ABCA1: variants seen among roughly 807,000 people sequenced by gnomAD.
ABCA1 encodes phospholipid-transporting ATPase ABCA1.
A neutral mutation model predicts 262.5 loss-of-function variants in ABCA1; 133 were observed. The ratio of observed to expected loss-of-function variants is 0.51; its 90% CI spans 0.44 to 0.59. ABCA1 has a LOEUF of 0.59. Ranked by LOEUF, ABCA1 falls within the 20% of genes least tolerant of loss-of-function variation. The probability of loss-of-function intolerance (pLI) is 0.00; values close to 1 mark genes in which losing one functional copy is unlikely to be tolerated. For missense variants in ABCA1, 2,452 were observed against 2,777.5 expected (o/e 0.88, Z 2.63); for synonymous variants, 1,022 against 1,043.5 (o/e 0.98, Z 0.40).
intron 7 of ABCA1, among the ~76,000 whole-genome samples, chr9:104,857,546 T>C (rs975230247): frequency 2.6e-5 from 4 of 152,140 alleles, no homozygotes; most frequent in African/African-American, 7.2e-5. Flanking sequence ...CAAAAACTTT[T>C]TGATGGTCAA....
At chr9:104,860,275 T>A (rs1332914824) in intron 6 of ABCA1, among the ~76,000 whole-genome samples, 1 of 152,174 alleles carries the variant, frequency 6.6e-6, no homozygotes, top group Non-Finnish European at 1.5e-5. Context: ...ATGCCCCTTA[T>A]TTTAAACTGA....
intron 40 of ABCA1, among the ~76,000 whole-genome samples, chr9:104,793,696 C>T (rs1387529845): frequency 6.6e-6 from 1 of 152,046 alleles, no homozygotes; most frequent in Non-Finnish European, 1.5e-5. Context: ...TAAGCAGATT[C>T]CCCTTTCAGT....
intron 1 of ABCA1, among the ~76,000 whole-genome samples, chr9:104,924,209 TAAACA>T (rs1194965094): frequency 1.3e-5 from 2 of 152,194 alleles, no homozygotes; most frequent in Non-Finnish European, 2.9e-5. Context: ...TCTCTCAGCA[TAAACA>T]AAACAAGTGT....
chr9:104,800,918 C>T (rs995559599), intron 34 of ABCA1, among the ~76,000 whole-genome samples: 3 of 152,070 alleles, frequency 2.0e-5, no homozygotes, highest in South Asian at 2.1e-4. Context: ...GCCAGAACCA[C>T]GCTCTGCCTG....
rs2118966189 is a variant in ABCA1, at chr9:104,819,911, T to C, written c.3103+16A>G. The stretch of plus-strand genomic sequence containing the variant: ...GAGGAGGGGAGAGGGATAGGGAAGG[T>C]AGCTCTGGGCCGCACCTGACAGCTG... On this transcript the variant is annotated intron_variant, in intron 21 of 49. Transcript: ENST00000374736. The C allele has an allele frequency of 2.5e-6, 4 of 1,611,562 alleles. No homozygotes were observed. Among genetic ancestry groups the C allele is most frequent in the Non-Finnish European group, 1.7e-6 (2 of 1,179,874 alleles).
At chr9:104,898,713 T>C (rs1840423863) in intron 2 of ABCA1, among the ~76,000 whole-genome samples, 1 of 152,182 alleles carries the variant, frequency 6.6e-6, no homozygotes, top group Non-Finnish European at 1.5e-5. Context: ...GGCTTTCTTC[T>C]GTTCCCTGAC....
chr9:104,842,744 C>CTTCT (rs1834495795), intron 8 of ABCA1, among the ~76,000 whole-genome samples: 1 of 152,114 alleles, frequency 6.6e-6, no homozygotes, highest in Non-Finnish European at 1.5e-5. Flanking sequence ...CCTCCCTTTC[C>CTTCT]CCCATCCCAG....
At chr9:104,913,938 G>A (rs889067619) in intron 1 of ABCA1, among the ~76,000 whole-genome samples, 60 of 149,816 alleles carry the variant, frequency 4.0e-4, no homozygotes, top group Admixed American at 8.8e-4. Flanking sequence ...TGGGACTACC[G>A]ACAGCCGCCT....
In ABCA1 at chr9:104,810,851, G is replaced by T. The variant is rs1007051944; in HGVS notation, c.4124C>A (p.Pro1375His). Residue 1375 changes from proline to histidine, a missense_variant, in exon 29 of 50, where the codon CCC becomes CAC. By Grantham distance (77) the Pro-to-His change is moderately conservative. Around this residue, in one of 4 missense-constraint regions of ABCA1, gnomAD observed 665 missense variants for 727.3 expected, o/e 0.91. Transcript: ENST00000374736. ...SLIVPPFGKY[P>H]SLELQPWMYN... ...CATCCAGGGCTGAAGTTCCAGGCTGGGGTACTTGCCAAAGGGTGGCACGAT... is the reference window on the plus strand; with the variant it reads ...CATCCAGGGCTGAAGTTCCAGGCTGTGGTACTTGCCAAAGGGTGGCACGAT... The T allele has an allele frequency of 6.2e-7, 1 of 1,614,196 alleles. No homozygotes were observed.
chr9:104,800,838 A>T (rs1286646613), intron 34 of ABCA1, among the ~76,000 whole-genome samples: 2 of 152,198 alleles, frequency 1.3e-5, no homozygotes, highest in Non-Finnish European at 2.9e-5. Flanking sequence ...CAAAGCCCCA[A>T]GATTTTAATG....
Position 104,818,880 on chromosome 9 carries a change from C to T in ABCA1, c.3245G>A (p.Arg1082His), listed in dbSNP as rs761945307. The change falls in exon 23 of 50, where the codon CGC (arginine) becomes CAC (histidine). Residue 1082 changes from arginine to histidine, a missense_variant. Physicochemically the swap from Arg to His is conservative, Grantham distance 29 (BLOSUM62 0). Transcript: ENST00000374736. The part of the protein sequence containing the change: ...WELLLKYRQG[R>H]TIILSTHHMD... ...GTGGTGTGTAGAGAGAATAATGGTG[C>T]GGCCTGCCAGGCACAAACACAAGGA... The T allele has an allele frequency of 3.7e-5, 59 of 1,611,924 alleles. No homozygotes were observed. Among genetic ancestry groups the T allele is most frequent in the East Asian group, 4.5e-5 (2 of 44,824 alleles).
chr9:104,865,770 A>G (rs189484979), intron 5 of ABCA1, among the ~76,000 whole-genome samples: 2 of 152,316 alleles, frequency 1.3e-5, no homozygotes, highest in Non-Finnish European at 1.5e-5. Context: ...TCATCATGGT[A>G]GGTGCTCAAT....
rs542585745 is a variant in ABCA1 at position 104,827,826 on chromosome 9, C to T, written c.2116-657G>A. Among the ~76,000 whole-genome samples the T allele has an allele frequency of 2.0e-5, 3 of 152,246 alleles. No individual in the cohort carries two copies. In the South Asian group the frequency reaches 6.2e-4, roughly 32 times the overall value. ...GCAAGAACTGTATCCTACTGTGGAACCTCAATAAAGTCCTTGACCTTCCTG... is the reference window on the plus strand; with the variant it reads ...GCAAGAACTGTATCCTACTGTGGAATCTCAATAAAGTCCTTGACCTTCCTG... On this transcript the variant is annotated intron_variant, in intron 15 of 49. Coordinates refer to ENST00000374736, the MANE Select transcript of ABCA1 (RefSeq NM_005502.4).
chr9:104,880,296 C>T (rs900503978), intron 5 of ABCA1, among the ~76,000 whole-genome samples: 2 of 152,066 alleles, frequency 1.3e-5, no homozygotes, highest in African/African-American at 4.8e-5. Flanking sequence ...TGACATATGC[C>T]AGTCTCAGCT....
chr9:104,822,438 A>G, intron 19 of ABCA1, 58 bp downstream of exon 19: 1 of 1,604,704 alleles, frequency 6.2e-7, no homozygotes, highest in Non-Finnish European at 8.5e-7. Flanking sequence ...ATAAATTTCT[A>G]ACTCTACTGC....
intron 1 of ABCA1, among the ~76,000 whole-genome samples, chr9:104,911,359 T>C (rs73506128): frequency 0.11 from 16,659 of 152,188 alleles, 1,949 homozygotes; most frequent in African/African-American, 0.29. Context: ...GTTCTCTAAT[T>C]GCCTCTCTGA....
At chr9:104,791,591 T>TACTCGGGAGGCTGAGGCAGGAG (rs1829431757) in intron 43 of ABCA1, among the ~76,000 whole-genome samples, 1 of 152,196 alleles carries the variant, frequency 6.6e-6, no homozygotes, top group African/African-American at 2.4e-5. Flanking sequence ...TATGCCCAGC[T>TACTCGGGAGGCTGAGGCAGGAG]AATTTTTGTA....
chr9:104,808,666 T>G (rs796347851), intron 30 of ABCA1, among the ~76,000 whole-genome samples: 69 of 152,356 alleles, frequency 4.5e-4, no homozygotes, highest in African/African-American at 1.6e-3. Context: ...CTCACTGTTC[T>G]GTGGTGTGCA....
intron 2 of ABCA1, among the ~76,000 whole-genome samples, chr9:104,894,710 C>T (rs1395260995): frequency 6.6e-6 from 1 of 152,234 alleles, no homozygotes; most frequent in East Asian, 1.9e-4. Flanking sequence ...ACTTTGCCTT[C>T]ACTTACCAGA....
Sources: allele counts gnomAD v4.1 joint callset (sites outside exome capture counted in the v4.1 genomes callset), GRCh38; gene constraint gnomAD v4.1.1; regional missense constraint gnomAD v4.1.1; transcripts MANE v1.5; gene names NCBI Gene and HGNC (gene_info 2026-07-23, HGNC 2026-07-21).